The following SPOCK1 variants were observed in gnomAD, a reference collection of about 807,000 sequenced individuals.
SPOCK1 encodes the protein testican-1.
In SPOCK1, 23 loss-of-function variants were observed where a neutral mutation model predicts 55.3. That is an observed-to-expected ratio of 0.42 (90% CI 0.30 to 0.59). The LOEUF (loss-of-function observed/expected upper bound fraction) is 0.59, where lower values mean the gene tolerates loss of function less well. Ranked by LOEUF, SPOCK1 falls within the 20% of genes least tolerant of loss-of-function variation. SPOCK1 has a pLI of 0.22. For missense variants in SPOCK1, 499 were observed against 552.5 expected, an observed-to-expected ratio of 0.90 and a Z score of 0.97; for synonymous variants, 226 against 221.0, an observed-to-expected ratio of 1.02 and a Z score of -0.20.
chr5:137,024,529 C>T (rs1443624131), intron 6 of SPOCK1, among the ~76,000 whole-genome samples: 5 of 151,188 alleles, frequency 3.3e-5, no homozygotes, highest in African/African-American at 1.2e-4. Context: ...CTCTGTGGCT[C>T]TAACATTTGA....
chr5:137,160,306 T>C, intron 3 of SPOCK1, among the ~76,000 whole-genome samples: 1 of 138,100 alleles, frequency 7.2e-6, no homozygotes, highest in Non-Finnish European at 1.5e-5. Context: ...TTTTTATGGC[T>C]GCATAGTATT....
At chr5:137,143,185 A>G (rs1754131363) in intron 3 of SPOCK1, among the ~76,000 whole-genome samples, 1 of 152,178 alleles carries the variant, frequency 6.6e-6, no homozygotes, top group South Asian at 2.1e-4. Flanking sequence ...CAAGTGCTGC[A>G]GCAGAGAACT....
intron 2 of SPOCK1, among the ~76,000 whole-genome samples, chr5:137,356,797 TAATATATATATATATA>T (rs1488508237): frequency 1.8e-3 from 44 of 24,368 alleles, no homozygotes; most frequent in South Asian, 0.013. Context: ...TCAAAAAAAA[TAATATATATATATATA>T]TATATATATA....
At chr5:137,003,271 CG>C (rs1487154387) in intron 6 of SPOCK1, among the ~76,000 whole-genome samples, 1 of 151,928 alleles carries the variant, frequency 6.6e-6, no homozygotes, top group Non-Finnish European at 1.5e-5. Context: ...TGGTGGCACA[CG>C]CCTGTAATCC....
chr5:137,095,496 G>C (rs1753130463), intron 5 of SPOCK1, among the ~76,000 whole-genome samples: 1 of 152,204 alleles, frequency 6.6e-6, no homozygotes, highest in South Asian at 2.1e-4. Flanking sequence ...CTTAGGCAAG[G>C]AACAACCTTT....
At chr5:137,161,976 T>C (rs892977452) in intron 3 of SPOCK1, among the ~76,000 whole-genome samples, 6 of 152,178 alleles carry the variant, frequency 3.9e-5, no homozygotes, top group African/African-American at 1.4e-4. Flanking sequence ...CAGTGTGAAT[T>C]CAGATCCCCA....
intron 3 of SPOCK1, among the ~76,000 whole-genome samples, chr5:137,151,531 G>C (rs1473879729): frequency 7.9e-5 from 12 of 152,170 alleles, no homozygotes; most frequent in Non-Finnish European, 1.8e-4. Flanking sequence ...AAGCTCTCCA[G>C]GGTACTGTTA....
At chr5:137,197,874 T>C (rs1030736819) in intron 3 of SPOCK1, among the ~76,000 whole-genome samples, 7 of 152,202 alleles carry the variant, frequency 4.6e-5, no homozygotes, top group Non-Finnish European at 8.8e-5. Flanking sequence ...CTATATAAAG[T>C]ACCTGATACA....
At chr5:137,349,471 A>G (rs1248803641) in intron 2 of SPOCK1, among the ~76,000 whole-genome samples, 1 of 152,232 alleles carries the variant, frequency 6.6e-6, no homozygotes, top group African/African-American at 2.4e-5. Context: ...GCGGAAGATC[A>G]AGCTTACAGC....
chr5:137,267,129 T>C, intron 2 of SPOCK1, 74 bp from the exon 3 acceptor site: 1 of 1,296,058 alleles, frequency 7.7e-7, no homozygotes, highest in Non-Finnish European at 1.1e-6. Flanking sequence ...AAAACCTGCC[T>C]TCCTTTTCAC....
intron 2 of SPOCK1, among the ~76,000 whole-genome samples, chr5:137,365,929 C>T (rs920521131): frequency 1.3e-5 from 2 of 152,124 alleles, no homozygotes; most frequent in East Asian, 1.9e-4. Flanking sequence ...TTACACACAA[C>T]GACGCACAAA....
chr5:137,102,679 G>C (rs1753292859), intron 5 of SPOCK1, among the ~76,000 whole-genome samples: 2 of 152,166 alleles, frequency 1.3e-5, no homozygotes, highest in South Asian at 2.1e-4. Flanking sequence ...GAGTCAGACA[G>C]ACCAGGGTTC....
intron 3 of SPOCK1, among the ~76,000 whole-genome samples, chr5:137,165,836 AG>A (rs1754638498): frequency 6.6e-6 from 1 of 152,178 alleles, no homozygotes; most frequent in Non-Finnish European, 1.5e-5. Flanking sequence ...GTGAGCTTGA[AG>A]GCAGGCCATT....
At chr5:137,138,713 C>CCA (rs1491302810) in intron 4 of SPOCK1, among the ~76,000 whole-genome samples, 32 of 119,470 alleles carry the variant, frequency 2.7e-4, no homozygotes, top group Admixed American at 4.2e-4. Context: ...CCCCCCCCCC[C>CCA]AAAAAAAAGT....
intron 3 of SPOCK1, among the ~76,000 whole-genome samples, chr5:137,237,825 T>C (rs1265310683): frequency 1.3e-5 from 2 of 152,188 alleles, no homozygotes; most frequent in Non-Finnish European, 2.9e-5. Context: ...GCAGCAGATA[T>C]GGTTGGAGTG....
At chr5:137,104,514 C>T (rs982136008) in intron 5 of SPOCK1, among the ~76,000 whole-genome samples, 1 of 152,196 alleles carries the variant, frequency 6.6e-6, no homozygotes, top group African/African-American at 2.4e-5. Context: ...GGTCCCCATC[C>T]CCAAGGCCAT....
chr5:137,219,874 G>A (rs1181212943), intron 3 of SPOCK1, among the ~76,000 whole-genome samples: 1 of 152,144 alleles, frequency 6.6e-6, no homozygotes, highest in African/African-American at 2.4e-5. Flanking sequence ...GTCTTTTAGA[G>A]CTGCTTTGCC....
chr5:137,319,282 C>A lies in SPOCK1; in HGVS notation c.187-52227G>T, dbSNP rs192552770. ...CTTCTAGGTAAAAACCCATATAATT[C>A]AATGATGAATATTTCCTTTGGCCTT... is the stretch of plus-strand genomic sequence containing the variant. On this transcript the variant is annotated intron_variant, in intron 2 of 10. Coordinates refer to ENST00000394945, the MANE Select transcript of SPOCK1 (RefSeq NM_004598.4). Among the ~76,000 whole-genome samples, 399 of 152,296 alleles carry A rather than the reference C, an allele frequency of 2.6e-3. 5 individuals are homozygous for A. The highest frequency in any genetic ancestry group is 9.0e-3 in the African/African-American group (375 of 41,552).
At chr5:137,309,107 TC>T (rs769043255) in intron 2 of SPOCK1, among the ~76,000 whole-genome samples, 3 of 152,146 alleles carry the variant, frequency 2.0e-5, no homozygotes, top group Non-Finnish European at 4.4e-5. Flanking sequence ...AAAAAAAATT[TC>T]CCATTGCATT....
Sources: gnomAD v4.1 joint callset for allele counts (sites outside exome capture counted in the v4.1 genomes callset) on GRCh38, gnomAD v4.1.1 for gene constraint, MANE v1.5 for transcripts, NCBI Gene and HGNC (gene_info 2026-07-23, HGNC 2026-07-21) for gene names.